Variants in NTN1 observed in about 807,000 individuals in gnomAD.
NTN1 encodes the protein netrin 1, also known as netrin-1.
A neutral mutation model predicts 54.2 loss-of-function variants in NTN1; 11 were observed. The ratio of observed to expected loss-of-function variants is 0.20; its 90% CI spans 0.13 to 0.34. The LOEUF is 0.34. Ranked by LOEUF, NTN1 falls within the 10% of genes least tolerant of loss-of-function variation. The pLI, the probability that NTN1 is intolerant of heterozygous loss-of-function variation, is 1.00. For missense variants in NTN1, 740 were observed against 893.1 expected (o/e 0.83, Z 2.18); for synonymous variants, 371 against 382.0 (o/e 0.97, Z 0.33).
At chr17:9,080,462 A>T (rs1597480400) in intron 2 of NTN1, among the ~76,000 whole-genome samples, 4 of 152,350 alleles carry the variant, frequency 2.6e-5, no homozygotes, top group Admixed American at 2.6e-4. Flanking sequence ...GTTATCTCTA[A>T]CTTAGAACAT....
At chr17:9,145,027 C>T (rs117065066) in intron 2 of NTN1, among the ~76,000 whole-genome samples, 2,855 of 152,280 alleles carry the variant, frequency 0.019, 30 homozygotes, top group South Asian at 0.026. Flanking sequence ...GGGCCAGTGG[C>T]GAGGACAGTG....
chr17:9,202,053 CACAAAAAAAAAAAAAAA>C (rs1188000515), intron 5 of NTN1, among the ~76,000 whole-genome samples: 7 of 23,498 alleles, frequency 3.0e-4, no homozygotes, highest in Admixed American at 1.8e-3. Flanking sequence ...CACACACACA[CACAAAAAAAAAAAAAAA>C]AAAAAAAAAA....
At chr17:9,224,459 C>T (rs564069573) in intron 6 of NTN1, among the ~76,000 whole-genome samples, 151 of 152,306 alleles carry the variant, frequency 9.9e-4, no homozygotes, top group African/African-American at 3.0e-3. Context: ...GCCCGACACC[C>T]GACTCCCTCA....
intron 2 of NTN1, among the ~76,000 whole-genome samples, chr17:9,141,656 C>T (rs73976415): frequency 1.3e-5 from 2 of 151,892 alleles, no homozygotes; most frequent in South Asian, 4.2e-4. Context: ...AGCATGTTAA[C>T]TAGGATAGGA....
chr17:9,156,052 G>A (rs1567723911), intron 2 of NTN1, among the ~76,000 whole-genome samples: 1 of 152,112 alleles, frequency 6.6e-6, no homozygotes, highest in Non-Finnish European at 1.5e-5. Context: ...CCTAGCAGAG[G>A]AGCTGGTGAG....
chr17:9,239,804 C>T lies in NTN1; in HGVS notation c.1651C>T (p.Pro551Ser), dbSNP rs746951758. 3.7e-6 allele frequency: 6 copies of T among 1,613,740 alleles called. No individual in the cohort carries two copies. The South Asian group carries it at 6.6e-5, about 18-fold the overall frequency. The change falls in exon 7 of 7, where the codon CCC becomes TCC. Residue 551 changes from proline to serine, a missense_variant. Pro to Ser is a moderately conservative substitution (Grantham distance 74). Coordinates refer to ENST00000173229, the MANE Select transcript of NTN1 (RefSeq NM_004822.3). The surrounding 1 kb of genome is among the most constrained non-coding windows in gnomAD (Gnocchi z 5.2). ...CGCCTGCAAGTGTCCCAAAATCAAG[C>T]CCCTCAAGAAGTACCTGCTGCTGGG... ...DIACKCPKIK[P>S]LKKYLLLGNA...
intron 2 of NTN1, among the ~76,000 whole-genome samples, chr17:9,078,873 A>G (rs1287743529): frequency 6.6e-6 from 1 of 152,230 alleles, no homozygotes; most frequent in Non-Finnish European, 1.5e-5. Context: ...CAGGAGACAG[A>G]GTTCAGCCCC....
At chr17:9,092,523 C>T (rs998409984) in intron 2 of NTN1, among the ~76,000 whole-genome samples, 1 of 151,910 alleles carries the variant, frequency 6.6e-6, no homozygotes, top group African/African-American at 2.4e-5. Context: ...CTCCTGGCAT[C>T]CAGTGATCCA....
At chr17:9,126,519 AAG>A (rs139048465) in intron 2 of NTN1, among the ~76,000 whole-genome samples, 8 of 150,774 alleles carry the variant, frequency 5.3e-5, no homozygotes, top group African/African-American at 7.3e-5. Flanking sequence ...CTCAAGAAAA[AAG>A]AGAGAGAGAG....
chr17:9,126,793 T>C (rs570484687), intron 2 of NTN1, among the ~76,000 whole-genome samples: 61 of 152,140 alleles, frequency 4.0e-4, no homozygotes, highest in African/African-American at 1.4e-3. Context: ...GTCGTGGCCT[T>C]GAGGGCACCC....
At chr17:9,186,906 G>A (rs1166095051) in intron 5 of NTN1, among the ~76,000 whole-genome samples, 2 of 152,162 alleles carry the variant, frequency 1.3e-5, no homozygotes, top group South Asian at 2.1e-4. Context: ...GGACTTGAAT[G>A]CGGCATTAGC....
chr17:9,119,157 T>A (rs2092224428), intron 2 of NTN1, among the ~76,000 whole-genome samples: 1 of 152,198 alleles, frequency 6.6e-6, no homozygotes, highest in Non-Finnish European at 1.5e-5. Flanking sequence ...CTTGTTATTA[T>A]TTGTCTTTTT....
At position 9,212,045 on chromosome 17, in the gene NTN1, C is replaced by A. The variant is rs1279716998; in HGVS notation, c.1412-9123C>A. On this transcript the variant is annotated intron_variant, in intron 5 of 6. Transcript: ENST00000173229. The surrounding 1 kb of genome is among the most constrained non-coding windows in gnomAD (Gnocchi z 5.5). ...ATTTGGGGCATCGTTAGCCTTTCTG[C>A]CCCCAAGGCCCAAAGTCAAATGAGC... 6.6e-6 allele frequency among the ~76,000 whole-genome samples: 1 copy of A among 152,202 alleles called. No homozygotes were observed. Among genetic ancestry groups the A allele is most frequent in the African/African-American group, 2.4e-5 (1 of 41,446 alleles).
intron 2 of NTN1, among the ~76,000 whole-genome samples, chr17:9,151,492 C>G (rs1036133155): frequency 1.3e-5 from 2 of 152,058 alleles, no homozygotes. Context: ...CACTTTCTTT[C>G]ATTTTTCCTA....
intron 6 of NTN1, among the ~76,000 whole-genome samples, chr17:9,228,110 G>A (rs946339731): frequency 1.3e-5 from 2 of 152,106 alleles, no homozygotes; most frequent in Admixed American, 1.3e-4. Context: ...TCTAGGAGGG[G>A]AGACCGACAT....
intron 2 of NTN1, among the ~76,000 whole-genome samples, chr17:9,110,492 G>A (rs985188385): frequency 4.6e-5 from 7 of 151,956 alleles, no homozygotes; most frequent in African/African-American, 1.7e-4. Context: ...CTGGTCTTGA[G>A]CTCCTGATCT....
At chr17:9,225,624 CTT>C (rs1567744511) in intron 6 of NTN1, among the ~76,000 whole-genome samples, 1 of 152,140 alleles carries the variant, frequency 6.6e-6, no homozygotes, top group African/African-American at 2.4e-5. Flanking sequence ...CCCACACAGA[CTT>C]GGGCCAGCCC....
At position 9,135,892 on chromosome 17, in the gene NTN1, C is replaced by T. The variant is rs2092279402; in HGVS notation, c.1019-26921C>T. ...ACATGTCGACTGAGCACAGCCCATACTCAGAGGGCAGCATGAACACTGCCA... is the reference window on the plus strand; with the variant it reads ...ACATGTCGACTGAGCACAGCCCATATTCAGAGGGCAGCATGAACACTGCCA... On this transcript the variant is annotated intron_variant, in intron 2 of 6. Transcript: ENST00000173229. This position sits in a 1 kb window ranked among gnomAD's most constrained non-coding sequence, Gnocchi z 4.4. 6.6e-6 allele frequency among the ~76,000 whole-genome samples: 1 copy of T among 152,206 alleles called. No individual in the cohort carries two copies. Among genetic ancestry groups the T allele is most frequent in the Non-Finnish European group, 1.5e-5 (1 of 68,038 alleles).
intron 6 of NTN1, among the ~76,000 whole-genome samples, chr17:9,222,292 C>T (rs1905386098): frequency 6.6e-6 from 1 of 152,210 alleles, no homozygotes; most frequent in Admixed American, 6.5e-5. Flanking sequence ...CTTTAACTGA[C>T]CCCAGGAGGT....
Sources: allele counts gnomAD v4.1 joint callset (sites outside exome capture counted in the v4.1 genomes callset), GRCh38; gene constraint gnomAD v4.1.1; non-coding constraint Gnocchi (gnomAD v3.1); transcripts MANE v1.5; gene names NCBI Gene and HGNC (gene_info 2026-07-23, HGNC 2026-07-21).